RABGEF1: variants seen among roughly 807,000 people sequenced by gnomAD.
The protein encoded by RABGEF1 is rab5 GDP/GTP exchange factor.
In RABGEF1, 26 loss-of-function variants were observed where a neutral mutation model predicts 57.3. The observed-to-expected ratio is 0.45, with a 90% CI of 0.33 to 0.63. The LOEUF (loss-of-function observed/expected upper bound fraction) is 0.63. Ranked by LOEUF, RABGEF1 falls within the 20% of genes least tolerant of loss-of-function variation. RABGEF1 has a pLI of 0.02. For missense variants in RABGEF1, 464 were observed against 607.6 expected (o/e 0.76, Z 2.48); for synonymous variants, 185 against 210.7 (o/e 0.88, Z 1.06).
intron 1 of RABGEF1, among the ~76,000 whole-genome samples, chr7:66,758,762 G>C (rs1308548529): frequency 6.6e-6 from 1 of 152,180 alleles, no homozygotes; most frequent in Non-Finnish European, 1.5e-5. Context: ...TCTTTTGGTG[G>C]TACCCTTGCT....
intron 2 of RABGEF1, among the ~76,000 whole-genome samples, chr7:66,712,594 C>T (rs1794898537): frequency 6.6e-6 from 1 of 151,992 alleles, no homozygotes; most frequent in Non-Finnish European, 1.5e-5. Context: ...CCTCAGCCTC[C>T]TGAGTAGCTG....
At chr7:66,808,775 T>C (rs541893048) in intron 8 of RABGEF1, 111 bp from the exon 9 acceptor site, 49 of 1,173,334 alleles carry the variant, frequency 4.2e-5, no homozygotes, top group Non-Finnish European at 7.1e-6. Flanking sequence ...GAGTTTGTTT[T>C]GTTTACTTTA....
At chr7:66,685,134 T>C (rs1289222987) in intron 1 of RABGEF1, among the ~76,000 whole-genome samples, 3 of 150,526 alleles carry the variant, frequency 2.0e-5, no homozygotes, top group Non-Finnish European at 4.4e-5. Context: ...ATGTTTTCAG[T>C]ATAGTGCTGG....
chr7:66,726,597 G>A (rs943524616), intron 2 of RABGEF1, among the ~76,000 whole-genome samples: 3 of 151,958 alleles, frequency 2.0e-5, no homozygotes, highest in African/African-American at 7.2e-5. Flanking sequence ...CTCCTGTTGG[G>A]CTCAAGTAAT....
At chr7:66,719,638 A>G (rs1795785555) in intron 2 of RABGEF1, among the ~76,000 whole-genome samples, 1 of 152,240 alleles carries the variant, frequency 6.6e-6, no homozygotes, top group Non-Finnish European at 1.5e-5. Context: ...ATACTTCCCA[A>G]GTAATTTTAT....
At chr7:66,738,279 A>G (rs1409379176), upstream of RABGEF1, among the ~76,000 whole-genome samples, 1 of 151,968 alleles carries the variant, frequency 6.6e-6, no homozygotes, top group Non-Finnish European at 1.5e-5. Context: ...TTGGCCTCCC[A>G]AAGTGCTGGG....
chr7:66,713,004 G>A (rs1794948201), intron 2 of RABGEF1, among the ~76,000 whole-genome samples: 1 of 151,516 alleles, frequency 6.6e-6, no homozygotes, highest in South Asian at 2.1e-4. Flanking sequence ...TTGTAGAGAT[G>A]GGGTCTTGCT....
chr7:66,730,114 C>G (rs1472360696), intron 2 of RABGEF1, among the ~76,000 whole-genome samples: 2 of 152,254 alleles, frequency 1.3e-5, no homozygotes, highest in East Asian at 3.8e-4. Context: ...CCTTTCTCAT[C>G]TCTAAGATGA....
chr7:66,748,387 A>C (rs962886979), intron 1 of RABGEF1, among the ~76,000 whole-genome samples: 6 of 152,280 alleles, frequency 3.9e-5, no homozygotes, highest in Non-Finnish European at 8.8e-5. Flanking sequence ...GATCTTTTGT[A>C]ATGAATTTAT....
the RABGEF1 span, among the ~76,000 whole-genome samples, chr7:66,670,507 C>A: frequency 7.4e-6 from 1 of 135,778 alleles, no homozygotes; most frequent in Non-Finnish European, 1.5e-5. Context: ...CCAAATAACA[C>A]ACACTGGCTG....
chr7:66,724,361 A>G (rs1162511624), intron 2 of RABGEF1, among the ~76,000 whole-genome samples: 1 of 147,716 alleles, frequency 6.8e-6, no homozygotes, highest in Non-Finnish European at 1.5e-5. Flanking sequence ...GTATTTATTT[A>G]TTTTATTTTT....
intron 1 of RABGEF1, among the ~76,000 whole-genome samples, chr7:66,759,763 A>G (rs1022278420): frequency 5.9e-5 from 9 of 152,158 alleles, no homozygotes; most frequent in African/African-American, 1.9e-4. Context: ...GTGCGAAACC[A>G]TTCATGATTA....
At chr7:66,794,790 A>G (rs1813620189) in intron 4 of RABGEF1, among the ~76,000 whole-genome samples, 1 of 152,228 alleles carries the variant, frequency 6.6e-6, no homozygotes, top group Non-Finnish European at 1.5e-5. Context: ...CCTACAGTGC[A>G]CAACAGTGAA....
intron 1 of RABGEF1, among the ~76,000 whole-genome samples, chr7:66,689,733 C>T (rs956327984): frequency 1.3e-5 from 2 of 150,266 alleles, no homozygotes; most frequent in Admixed American, 6.7e-5. Context: ...ACCCGGGAGG[C>T]GGAGGTTGCA....
At chr7:66,706,103 CT>C (rs1794047645) in intron 1 of RABGEF1, among the ~76,000 whole-genome samples, 2 of 150,808 alleles carry the variant, frequency 1.3e-5, no homozygotes, top group African/African-American at 4.9e-5. Flanking sequence ...GGGGTTTCAC[CT>C]TGTTAGCCAG....
chr7:66,682,725 G>A (rs1789966381), intron 1 of RABGEF1, among the ~76,000 whole-genome samples: 1 of 152,156 alleles, frequency 6.6e-6, no homozygotes, highest in Non-Finnish European at 1.5e-5. Flanking sequence ...GCCGGGATTT[G>A]ATCCCGCGTC....
intron 6 of RABGEF1, among the ~76,000 whole-genome samples, chr7:66,798,700 G>A (rs1388710971): frequency 5.3e-5 from 8 of 152,042 alleles, no homozygotes; most frequent in African/African-American, 1.7e-4. Context: ...GTGGTGGCTC[G>A]CACCTGTAAT....
intron 2 of RABGEF1, among the ~76,000 whole-genome samples, chr7:66,720,480 G>A (rs541025115): frequency 2.0e-5 from 3 of 149,542 alleles, no homozygotes; most frequent in South Asian, 2.1e-4. Context: ...TTACAGGCAC[G>A]AGCTACTGTG....
At chr7:66,790,546 G>A (rs1234087038) in intron 4 of RABGEF1, among the ~76,000 whole-genome samples, 1 of 152,202 alleles carries the variant, frequency 6.6e-6, no homozygotes, top group Non-Finnish European at 1.5e-5. Flanking sequence ...TGAGGTTCAA[G>A]CATGGGCAGC....
Sources: allele counts gnomAD v4.1 joint callset (sites outside exome capture counted in the v4.1 genomes callset), GRCh38; gene constraint gnomAD v4.1.1; transcripts MANE v1.5; gene names NCBI Gene and HGNC (gene_info 2026-07-23, HGNC 2026-07-21).